SCN8A: variants seen among roughly 807,000 people sequenced by gnomAD.
SCN8A encodes sodium channel protein type 8 subunit alpha.
SCN8A carries 30 observed loss-of-function variants against 184.1 expected under a neutral mutation model. The ratio of observed to expected loss-of-function variants is 0.16; its 90% CI spans 0.12 to 0.22. SCN8A has a LOEUF of 0.22. SCN8A is among the 10% of genes least tolerant of loss of function. The probability of loss-of-function intolerance (pLI) is 1.00; values close to 1 mark genes in which losing one functional copy is unlikely to be tolerated. For missense variants in SCN8A, 1,057 were observed against 2,498.9 expected, an observed-to-expected ratio of 0.42 and a Z score of 12.30; for synonymous variants, 852 against 907.0, an observed-to-expected ratio of 0.94 and a Z score of 1.09.
At chr12:51,699,092 A>G (rs1401157696) in intron 6 of SCN8A, among the ~76,000 whole-genome samples, 1 of 152,268 alleles carries the variant, frequency 6.6e-6, no homozygotes, top group African/African-American at 2.4e-5. Flanking sequence ...AAACACTAGT[A>G]ACAATGGAGA....
Position 51,593,831 on chromosome 12 carries a change from T to C in SCN8A, c.-55+2472T>C, listed in dbSNP as rs140089098. Among the ~76,000 whole-genome samples, 1,408 of 152,310 alleles carry C rather than the reference T, an allele frequency of 9.2e-3. 9 individuals carry two copies. Among genetic ancestry groups the C allele is most frequent in the Admixed American group, 0.016 (245 of 15,292 alleles). ...TTTTGGCTGTCCCTCATGGAGACAA[T>C]GTTTTACAGGCTGCAACAGATCCAT... On this transcript the variant is annotated intron_variant, in intron 1 of 26. Coordinates refer to ENST00000627620, the MANE Select transcript of SCN8A (RefSeq NM_001330260.2).
chr12:51,640,212 GTTTTTTTTTTTTTTTTTTTTTTTTTT>G (rs57362371), intron 1 of SCN8A, among the ~76,000 whole-genome samples: 118 of 34,780 alleles, frequency 3.4e-3, no homozygotes, highest in South Asian at 4.7e-3. Context: ...TGCCTGGCCT[GTTTTTTTTTTTTTTTTTTTTTTTTTT>G]TTTTTTTTTT....
rs924861880 is a variant in SCN8A at position 51,629,397 on chromosome 12, C to G, written c.-54-33367C>G. 6.6e-5 allele frequency among the ~76,000 whole-genome samples: 10 copies of G among 152,132 alleles called. 1 individual carries two copies. The highest frequency in any genetic ancestry group is 5.9e-4 in the Admixed American group (9 of 15,266). ...GTAGCATCCCTGGCCTCTACCACTA[C>G]TTGCCTGTGGTTCCCTCAGCCCCCA... On this transcript the variant is annotated intron_variant, in intron 1 of 26. Transcript: ENST00000627620.
At chr12:51,700,328 C>A (rs956611145) in intron 7 of SCN8A, among the ~76,000 whole-genome samples, 1 of 152,156 alleles carries the variant, frequency 6.6e-6, no homozygotes, top group Non-Finnish European at 1.5e-5. Context: ...GCATGTACCC[C>A]TAAACTTTTG....
chr12:51,717,984 C>A (rs992020843), intron 11 of SCN8A, among the ~76,000 whole-genome samples: 8 of 152,100 alleles, frequency 5.3e-5, no homozygotes, highest in Non-Finnish European at 1.0e-4. Context: ...CTACATAACA[C>A]GTGAAAGATA....
intron 21 of SCN8A, among the ~76,000 whole-genome samples, chr12:51,783,150 C>G (rs938280554): frequency 6.6e-6 from 1 of 152,160 alleles, no homozygotes; most frequent in African/African-American, 2.4e-5. Flanking sequence ...GAAAAGGGAT[C>G]AGGGATCCAT....
intron 25 of SCN8A, among the ~76,000 whole-genome samples, chr12:51,792,263 T>A (rs1400381495): frequency 1.3e-5 from 2 of 150,172 alleles, no homozygotes; most frequent in East Asian, 3.9e-4. Flanking sequence ...GGCAGATCGC[T>A]TGAGCCTAGG....
chr12:51,599,972 G>A (rs909677373), intron 1 of SCN8A, among the ~76,000 whole-genome samples: 2 of 152,184 alleles, frequency 1.3e-5, no homozygotes, highest in African/African-American at 4.8e-5. Flanking sequence ...CTCCTATTTT[G>A]AAAATCTGGG....
At chr12:51,672,173 C>T (rs1941143484) in intron 2 of SCN8A, among the ~76,000 whole-genome samples, 3 of 152,140 alleles carry the variant, frequency 2.0e-5, no homozygotes, top group Admixed American at 6.5e-5. Context: ...CCTCCTGTCC[C>T]CAGGTAGTCT....
chr12:51,634,229 G>A (rs763284914), intron 1 of SCN8A, among the ~76,000 whole-genome samples: 35 of 152,072 alleles, frequency 2.3e-4, no homozygotes, highest in Admixed American at 3.9e-4. Flanking sequence ...ATAAAGTTTC[G>A]GAACATGTAA....
intron 12 of SCN8A, among the ~76,000 whole-genome samples, chr12:51,732,886 T>C (rs1415138959): frequency 6.6e-6 from 1 of 152,180 alleles, no homozygotes; most frequent in East Asian, 1.9e-4. Context: ...TAGAAATGCT[T>C]CTGGTTTTTG....
intron 1 of SCN8A, among the ~76,000 whole-genome samples, chr12:51,633,072 G>T (rs1448318650): frequency 6.6e-6 from 1 of 152,140 alleles, no homozygotes; most frequent in African/African-American, 2.4e-5. Context: ...GTTAAGCTCT[G>T]TGTTACACAT....
intron 11 of SCN8A, among the ~76,000 whole-genome samples, chr12:51,714,586 A>G (rs1941935344): frequency 6.6e-6 from 1 of 152,110 alleles, no homozygotes; most frequent in African/African-American, 2.4e-5. Flanking sequence ...GGTCTCAGGG[A>G]CCTCCGGGGG....
intron 11 of SCN8A, among the ~76,000 whole-genome samples, chr12:51,710,261 C>G (rs1020662560): frequency 6.6e-6 from 1 of 152,170 alleles, no homozygotes; most frequent in African/African-American, 2.4e-5. Context: ...TCTCCAGTCT[C>G]TGTGCCCCAT....
At chr12:51,753,223 AGAATAAGAAAGCTCTTAGGTGGCAAG>A (rs1306762451) in intron 14 of SCN8A, among the ~76,000 whole-genome samples, 1 of 152,228 alleles carries the variant, frequency 6.6e-6, no homozygotes, top group Non-Finnish European at 1.5e-5. Flanking sequence ...ACCAAGTTCT[AGAATAAGAAAGCTCTTAGGTGGCAAG>A]GGTTTTCAAA....
chr12:51,789,539 A>C, intron 24 of SCN8A, 121 bp downstream of exon 24: 139 of 1,131,180 alleles, frequency 1.2e-4, no homozygotes, highest in Non-Finnish European at 1.6e-4. Context: ...TTGTTAGCTC[A>C]CTGTGACCCT....
rs1297199082 is a variant in SCN8A, at chr12:51,702,152, T to C, written c.993-621T>C. On this transcript the variant is annotated intron_variant, in intron 8 of 26. Transcript: ENST00000627620. ...GCCAGGCCAACACAGTGAAACCCCG[T>C]CTCTACTAAAAATACAAAAATTAGC... Among the ~76,000 whole-genome samples the C allele has an allele frequency of 2.0e-5, 3 of 151,600 alleles. No homozygotes were observed. In the East Asian group the frequency reaches 5.8e-4, roughly 29 times the overall value.
intron 1 of SCN8A, among the ~76,000 whole-genome samples, chr12:51,599,219 A>G (rs1351328349): frequency 6.6e-6 from 1 of 152,218 alleles, no homozygotes; most frequent in African/African-American, 2.4e-5. Flanking sequence ...CTAGGAGCTT[A>G]TTTATTTTGT....
At chr12:51,771,045 C>T (rs1392912387) in intron 19 of SCN8A, among the ~76,000 whole-genome samples, 2 of 152,154 alleles carry the variant, frequency 1.3e-5, no homozygotes, top group Admixed American at 1.3e-4. Context: ...ACTTACTGTC[C>T]CTTCACAGCC....
Sources: allele counts gnomAD v4.1 joint callset (sites outside exome capture counted in the v4.1 genomes callset), GRCh38; gene constraint gnomAD v4.1.1; transcripts MANE v1.5; gene names NCBI Gene and HGNC (gene_info 2026-07-23, HGNC 2026-07-21).